RAB44: variants seen among roughly 807,000 people sequenced by gnomAD.
RAB44 encodes the protein ras-related protein Rab-44.
In RAB44, 67 loss-of-function variants were observed where a neutral mutation model predicts 93.3. The ratio of observed to expected loss-of-function variants is 0.72; its 90% confidence interval spans 0.59 to 0.88. The LOEUF (loss-of-function observed/expected upper bound fraction) is 0.88. Among genes scored for constraint, RAB44 ranks in the 40% least tolerant of loss-of-function variants. The pLI is 0.00. For missense variants in RAB44, 1,064 were observed against 1,261.7 expected (o/e 0.84, Z 2.37); for synonymous variants, 427 against 520.3 (o/e 0.82, Z 2.44).
intron 2 of RAB44, among the ~76,000 whole-genome samples, chr6:36,705,449 T>G (rs1762626105): frequency 7.8e-6 from 1 of 128,010 alleles, no homozygotes; most frequent in African/African-American, 3.0e-5. Flanking sequence ...AGGCACGATC[T>G]CAGCTCACTG....
In RAB44 at chr6:36,713,967, G is replaced by A. The variant is rs145261763; in HGVS notation, c.319+28G>A. On this transcript the variant is annotated intron_variant, in intron 3 of 13. Transcript: ENST00000612677. ...ATGTCTGTCTTTGGAGGGCCTCTGG[G>A]CACCCAGGTGTTCCGTGCAGTGTGC... 45 of 1,400,422 alleles carry A rather than the reference G, an allele frequency of 3.2e-5. No individual in the cohort carries two copies. The East Asian group carries it at 1.0e-3, about 32-fold the overall frequency. The allele number at this position is 1,400,422 out of a possible 1,614,324, so 86.7% of individuals were successfully genotyped here. A position where few individuals can be genotyped will look rare whatever the true frequency, so the allele number is the denominator to read the frequency against.
rs1763371060 is a variant in RAB44, at chr6:36,731,865, A to G, written c.2976-138A>G. ...TCAGTGACTCAATTCTTCGGGTCTCATGTGGAATGCAGGGCAGGGGCAGAG... is the reference window on the plus strand; with the variant it reads ...TCAGTGACTCAATTCTTCGGGTCTCGTGTGGAATGCAGGGCAGGGGCAGAG... On this transcript the variant is annotated intron_variant, in intron 13 of 13. Transcript: ENST00000612677. The surrounding 1 kb of genome is among the most constrained non-coding windows in gnomAD (Gnocchi z 4.0). 2 of 428,046 alleles carry G rather than the reference A, an allele frequency of 4.7e-6. No individual in the cohort carries two copies. Among genetic ancestry groups the G allele is most frequent in the Non-Finnish European group, 7.8e-6 (2 of 255,150 alleles). The allele number at this position is 428,046 out of a possible 1,614,324, so 26.5% of individuals were successfully genotyped here.
At chr6:36,709,632 T>A (rs530401675) in intron 2 of RAB44, among the ~76,000 whole-genome samples, 3 of 152,210 alleles carry the variant, frequency 2.0e-5, no homozygotes, top group Non-Finnish European at 4.4e-5. Context: ...CTCAGCTCAC[T>A]GCAACCTCCG....
In RAB44 at chr6:36,717,208, C is replaced by T. The variant is rs1162819427; in HGVS notation, c.495-65C>T. The T allele has an allele frequency of 4.1e-6, 5 of 1,225,528 alleles. No homozygotes were observed. The highest frequency in any genetic ancestry group is 5.1e-6 in the Non-Finnish European group (5 of 982,534). The allele number at this position is 1,225,528 out of a possible 1,614,324, so 75.9% of individuals were successfully genotyped here. A position where few individuals can be genotyped will look rare whatever the true frequency, so the allele number is the denominator to read the frequency against. On this transcript the variant is annotated intron_variant, in intron 4 of 13. Transcript: ENST00000612677. The surrounding 1 kb of genome is among the most constrained non-coding windows in gnomAD (Gnocchi z 4.1). ...GCAGTGAAAACTGAGGAGTGGGGCT[C>T]CCCTTGCTTCTCCATCCCACCTTGT... is the stretch of plus-strand genomic sequence containing the variant.
Position 36,727,668 on chromosome 6 carries a change from C to T in RAB44, c.2773C>T (p.Arg925Cys), listed in dbSNP as rs1298981123. The T allele has an allele frequency of 7.7e-6, 12 of 1,550,236 alleles. No homozygotes were observed. Among genetic ancestry groups the T allele is most frequent in the African/African-American group, 2.7e-5 (2 of 73,048 alleles). ...ITSQESFAHV[R>C]YWLDCLQDAG... ...CTCCCAGGAGAGCTTTGCCCACGTGCGCTACTGGCTAGACTGTCTCCAGGT... is the reference window on the plus strand; with the variant it reads ...CTCCCAGGAGAGCTTTGCCCACGTGTGCTACTGGCTAGACTGTCTCCAGGT... Residue 925 changes from arginine (R) to cysteine (C), a missense_variant, in exon 11 of 14, where the codon CGC becomes TGC. Arg to Cys is a radical substitution (Grantham distance 180). Coordinates refer to ENST00000612677, the MANE Select transcript of RAB44 (RefSeq NM_001257357.2).
intron 9 of RAB44, among the ~76,000 whole-genome samples, chr6:36,723,605 G>T (rs546535277): frequency 6.6e-6 from 1 of 152,054 alleles, no homozygotes; most frequent in Non-Finnish European, 1.5e-5. Context: ...GGAGGCTGAG[G>T]CGGGCGGATC....
chr6:36,716,487 A>T (rs868677591), intron 4 of RAB44, among the ~76,000 whole-genome samples: 1 of 149,468 alleles, frequency 6.7e-6, no homozygotes, highest in Non-Finnish European at 1.5e-5. Flanking sequence ...AAAAAAAAAA[A>T]AGAGAGAGAT....
rs144806629 is a variant in RAB44 at position 36,731,140 on chromosome 6, TAC to T, written c.2975+403_2975+404del. ...TCTCTAGTGCCATCTCCCCCACCCCTACACACACACACATTCACTCACACCCA... is the reference window on the plus strand; with the variant it reads ...TCTCTAGTGCCATCTCCCCCACCCCTACACACACACATTCACTCACACCCA... On this transcript the variant is annotated intron_variant, in intron 13 of 13. Coordinates refer to ENST00000612677, the MANE Select transcript of RAB44 (RefSeq NM_001257357.2). The surrounding 1 kb of genome is among the most constrained non-coding windows in gnomAD (Gnocchi z 4.0). Among the ~76,000 whole-genome samples the T allele has an allele frequency of 5.3e-5, 8 of 150,920 alleles. No homozygotes were observed. Among genetic ancestry groups the T allele is most frequent in the Non-Finnish European group, 1.0e-4 (7 of 67,714 alleles).
At chr6:36,704,492 T>C (rs1762594082) in intron 2 of RAB44, 50 bp downstream of exon 2, 1 of 1,488,892 alleles carries the variant, frequency 6.7e-7, no homozygotes, top group Non-Finnish European at 9.0e-7. Flanking sequence ...CCGCAGCTCC[T>C]GACACCCCCT....
chr6:36,717,257 G>A lies in RAB44; in HGVS notation c.495-16G>A. The A allele has an allele frequency of 8.1e-7, 1 of 1,232,160 alleles. No homozygotes were observed. The highest frequency in any genetic ancestry group is 3.1e-4 in the Middle Eastern group (1 of 3,208). The allele number at this position is 1,232,160 out of a possible 1,614,324, so 76.3% of individuals were successfully genotyped here. ...GTGTCTGACCCTCCCATCTCTGGCT[G>A]TCTTCCCCTCCCCAGGCAGATGGAA... On this transcript the variant is annotated splice_polypyrimidine_tract_variant and intron_variant, in intron 4 of 13. Transcript: ENST00000612677. This position sits in a 1 kb window ranked among gnomAD's most constrained non-coding sequence, Gnocchi z 4.1.
Position 36,721,841 on chromosome 6 carries a change from A to G in RAB44, c.1707A>G (p.Ser569=). Residue 569 remains serine (S), a synonymous_variant, in exon 9 of 14, where the codon TCA becomes TCG. Transcript: ENST00000612677. ...AGCGGGAAACCCAGCCCGGACCCTC[A>G]CCCACAACTGCCCTCACAGGAGTGG... ...MTERETQPGP[S]PTTALTGVGP... is the part of the protein sequence containing the mutation. The G allele has an allele frequency of 8.1e-7, 1 of 1,234,614 alleles. No individual in the cohort carries two copies. The highest frequency in any genetic ancestry group is 1.0e-6 in the Non-Finnish European group (1 of 988,568). 76.5% of individuals were successfully genotyped at this position (1,234,614 alleles called of 1,614,324 possible).
Position 36,722,501 on chromosome 6 carries a change from G to T in RAB44, c.2367G>T (p.Pro789=). The T allele has an allele frequency of 6.7e-7, 1 of 1,496,384 alleles. No homozygotes were observed. Among genetic ancestry groups the T allele is most frequent in the Non-Finnish European group, 8.9e-7 (1 of 1,121,584 alleles). 92.7% of individuals were successfully genotyped at this position (1,496,384 alleles called of 1,614,324 possible). A position where few individuals can be genotyped will look rare whatever the true frequency, so the allele number is the denominator to read the frequency against. ...LTTAHAEEQG[P]PHSREPRAES... ...CTGCTCACGCAGAAGAACAAGGCCC[G>T]CCTCACTCCAGGGAACCAAGGGCAG... Residue 789 remains proline, a synonymous_variant, in exon 9 of 14, where the codon CCG becomes CCT. Transcript: ENST00000612677.
chr6:36,720,234 T>C (rs1763037366), intron 7 of RAB44, 129 bp from the exon 8 acceptor site: 3 of 745,176 alleles, frequency 4.0e-6, no homozygotes, highest in East Asian at 3.4e-5. Flanking sequence ...CCACCACTAC[T>C]CTGATTTAAG....
chr6:36,715,442 A>G (rs1385525233), intron 3 of RAB44, 37 bp from the exon 4 acceptor site: 8 of 1,529,262 alleles, frequency 5.2e-6, no homozygotes, highest in Non-Finnish European at 7.0e-6. Context: ...TGGGCCCAAC[A>G]CCACTGTGCT....
chr6:36,713,122 A>T (rs1217460440), intron 2 of RAB44, among the ~76,000 whole-genome samples: 1 of 152,244 alleles, frequency 6.6e-6, no homozygotes, highest in Non-Finnish European at 1.5e-5. Context: ...ATAATTTTCA[A>T]AAAGGTAAAA....
chr6:36,711,016 AT>A (rs1674102014), intron 2 of RAB44, among the ~76,000 whole-genome samples: 1 of 152,272 alleles, frequency 6.6e-6, no homozygotes, highest in African/African-American at 2.4e-5. Flanking sequence ...GAAGTAAAAA[AT>A]ATATCAACTT....
intron 2 of RAB44, among the ~76,000 whole-genome samples, chr6:36,707,760 A>G (rs1205040940): frequency 6.6e-6 from 1 of 152,228 alleles, no homozygotes; most frequent in African/African-American, 2.4e-5. Context: ...CCTGCAGCTT[A>G]TAGCAGAGGC....
rs981150450 is a variant in RAB44, at chr6:36,722,082, A to T, written c.1948A>T (p.Arg650Ter). ...GCAGGAGGGCCTTCCTGAGGGGCTA[A>T]GAGAAGCTCATGGCCAGGTCCTTGG... The part of the protein sequence containing the change: ...AVQEGLPEGL[R>*]EAHGQVLGLG... Residue 650 changes from arginine (R) to a stop codon, truncating the protein, a stop_gained, in exon 9 of 14, where the codon AGA becomes TGA. Transcript: ENST00000612677. LOFTEE classifies it high-confidence loss of function. The T allele has an allele frequency of 4.1e-6, 5 of 1,230,068 alleles. No individual in the cohort carries two copies. In the Middle Eastern group the frequency reaches 8.3e-4, roughly 204 times the overall value. 76.2% of individuals were successfully genotyped at this position (1,230,068 alleles called of 1,614,324 possible). A position where few individuals can be genotyped will look rare whatever the true frequency, so the allele number is the denominator to read the frequency against.
intron 3 of RAB44, among the ~76,000 whole-genome samples, chr6:36,715,104 T>A (rs1762882692): frequency 2.7e-5 from 4 of 149,648 alleles, no homozygotes; most frequent in African/African-American, 5.0e-5. Flanking sequence ...TGGCTTAAAA[T>A]ATATATATAT....
Sources: allele counts gnomAD v4.1 joint callset (sites outside exome capture counted in the v4.1 genomes callset), GRCh38; gene constraint gnomAD v4.1.1; non-coding constraint Gnocchi (gnomAD v3.1); transcripts MANE v1.5; gene names NCBI Gene and HGNC (gene_info 2026-07-23, HGNC 2026-07-21).